SIKE1: variants seen among roughly 807,000 people sequenced by gnomAD.
SIKE1 encodes suppressor of IKK epsilon.
Under a neutral mutation model 25.8 loss-of-function variants are expected in SIKE1, and 13 were observed. That is an observed-to-expected ratio of 0.50 (90% CI 0.33 to 0.80). The LOEUF (loss-of-function observed/expected upper bound fraction) is 0.80. Among genes scored for constraint, SIKE1 ranks in the 30% least tolerant of loss-of-function variants. SIKE1 has a pLI of 0.02. For missense variants in SIKE1, 222 were observed against 252.4 expected, an observed-to-expected ratio of 0.88 and a Z score of 0.82; for synonymous variants, 86 against 95.5, an observed-to-expected ratio of 0.90 and a Z score of 0.58.
Position 114,780,502 on chromosome 1 carries a change from GCGC to G in SIKE1, c.103_105del (p.Ala35del), listed in dbSNP as rs1484668692. 1 of 1,613,520 alleles carries G rather than the reference GCGC, an allele frequency of 6.2e-7. No homozygotes were observed. The highest frequency in any genetic ancestry group is 1.3e-5 in the African/African-American group (1 of 75,034). ...CGCATAGCTGCTACCCGCCGGTGCA[GCGC>G]CGCCGACTGATCCACCAGCGACTCG... On this transcript the variant is annotated inframe_deletion, in exon 1 of 5. Transcript: ENST00000060969.
chr1:114,774,193 T>G lies in SIKE1; in HGVS notation c.*78A>C. 8.8e-7 allele frequency: 1 copy of G among 1,140,634 alleles called. No homozygotes were observed. Among genetic ancestry groups the G allele is most frequent in the South Asian group, 1.4e-5 (1 of 73,858 alleles). The allele number at this position is 1,140,634 out of a possible 1,614,324, so 70.7% of individuals were successfully genotyped here. On this transcript the variant is annotated 3_prime_UTR_variant, in exon 5 of 5. Transcript: ENST00000060969. ...TTAAATCAAATCTGAGGCAAGACAC[T>G]TAATGGACAGTACTTGAATGGGAAG...
At chr1:114,777,138 A>G (rs1557723379) in intron 3 of SIKE1, among the ~76,000 whole-genome samples, 1 of 152,136 alleles carries the variant, frequency 6.6e-6, no homozygotes, top group African/African-American at 2.4e-5. Context: ...CATTAGGAGG[A>G]ATACCTAATG....
At chr1:114,775,088 G>A (rs1209721236) in intron 4 of SIKE1, among the ~76,000 whole-genome samples, 1 of 152,128 alleles carries the variant, frequency 6.6e-6, no homozygotes, top group Non-Finnish European at 1.5e-5. Flanking sequence ...GAGGTAAATC[G>A]GGGATAAATA....
In SIKE1 at chr1:114,774,284, T is replaced by C. The variant is rs764530410; in HGVS notation, c.611A>G (p.Gln204Arg). ...TTCAGAGTTCAGTTATTTGATGGCT[T>C]GGGAAGCAGTGTCCATTGAGTTTTC... ...RKENSMDTAS[Q>R]AIK Residue 204 changes from glutamine (Q) to arginine (R), a missense_variant, in exon 5 of 5, where the codon CAA becomes CGA. Gln to Arg is a conservative substitution (Grantham distance 43). Transcript: ENST00000060969. 1.0e-4 allele frequency: 164 copies of C among 1,610,452 alleles called. No homozygotes were observed. The highest frequency in any genetic ancestry group is 1.4e-4 in the Non-Finnish European group (163 of 1,177,394).
intron 3 of SIKE1, 115 bp from the exon 4 acceptor site, chr1:114,776,574 G>C: frequency 1.4e-6 from 1 of 705,162 alleles, no homozygotes; most frequent in South Asian, 1.6e-5. Context: ...TGATACAGAA[G>C]TTACAATGGA....
chr1:114,779,527 T>C (rs1662343210), intron 2 of SIKE1, among the ~76,000 whole-genome samples: 1 of 152,216 alleles, frequency 6.6e-6, no homozygotes, highest in South Asian at 2.1e-4. Flanking sequence ...TTGAGTTCAG[T>C]TCTGTAACTT....
rs181755659 is a variant in SIKE1, at chr1:114,775,853, T to C, written c.522+493A>G. 1.8e-4 allele frequency among the ~76,000 whole-genome samples: 28 copies of C among 152,310 alleles called. 1 individual carries two copies. The East Asian group carries it at 2.7e-3, about 15-fold the overall frequency. ...TAACATATTCCTATTCTAATCAAAA[T>C]ATGACATAAACATAGCTTTTAAGAA... is the stretch of plus-strand genomic sequence containing the variant. On this transcript the variant is annotated intron_variant, in intron 4 of 4. Coordinates refer to ENST00000060969, the MANE Select transcript of SIKE1 (RefSeq NM_025073.3).
intron 3 of SIKE1, among the ~76,000 whole-genome samples, chr1:114,776,759 AC>A (rs1662255028): frequency 6.6e-6 from 1 of 152,138 alleles, no homozygotes. Context: ...CTGGGTATAT[AC>A]CCAAAGGATT....
intron 4 of SIKE1, among the ~76,000 whole-genome samples, chr1:114,775,010 G>A (rs527601752): frequency 4.6e-5 from 7 of 152,260 alleles, no homozygotes; most frequent in South Asian, 2.1e-4. Flanking sequence ...TCTGGTGGTC[G>A]TGTATTTTCT....
At chr1:114,779,063 G>T in intron 3 of SIKE1, 79 bp downstream of exon 3, 1 of 1,561,830 alleles carries the variant, frequency 6.4e-7, no homozygotes, top group Non-Finnish European at 8.8e-7. Flanking sequence ...ATCTCACAAA[G>T]CAAAAAAACA....
intron 1 of SIKE1, 81 bp from the exon 2 acceptor site, chr1:114,780,296 A>C: frequency 6.5e-7 from 1 of 1,547,922 alleles, no homozygotes; most frequent in Non-Finnish European, 8.9e-7. Flanking sequence ...TTAGGGCTCC[A>C]GGGCAGGATT....
Position 114,770,098 on chromosome 1 carries a change from A to G in SIKE1, c.*4173T>C, listed in dbSNP as rs1422153060. The G allele has an allele frequency of 1.3e-5, 2 of 152,252 alleles. No homozygotes were observed. The highest frequency in any genetic ancestry group is 4.8e-5 in the African/African-American group (2 of 41,466). 9.4% of individuals were successfully genotyped at this position (152,252 alleles called of 1,614,324 possible). On this transcript the variant is annotated 3_prime_UTR_variant, in exon 5 of 5. Coordinates refer to ENST00000060969, the MANE Select transcript of SIKE1 (RefSeq NM_025073.3). The stretch of plus-strand genomic sequence containing the variant: ...TCAGGATCTCTAGGACAGCCAGCAA[A>G]CAAGAATTAGAGGTTACAGGCCAGG...
rs149489425 is a variant in SIKE1, at chr1:114,770,288, T to A, written c.*3983A>T. The A allele has an allele frequency of 2.5e-4, 38 of 152,690 alleles. No homozygotes were observed. Among genetic ancestry groups the A allele is most frequent in the African/African-American group, 9.1e-4 (38 of 41,564 alleles). 9.5% of individuals were successfully genotyped at this position (152,690 alleles called of 1,614,324 possible). A position where few individuals can be genotyped will look rare whatever the true frequency, so the allele number is the denominator to read the frequency against. ...GGTGGGCACTTGTAATCCCAGCGACTTGGGAGGCTGAGGCAGGAGAATCGC... is the reference window on the plus strand; with the variant it reads ...GGTGGGCACTTGTAATCCCAGCGACATGGGAGGCTGAGGCAGGAGAATCGC... On this transcript the variant is annotated 3_prime_UTR_variant, in exon 5 of 5. Coordinates refer to ENST00000060969, the MANE Select transcript of SIKE1 (RefSeq NM_025073.3).
chr1:114,779,128 T>C lies in SIKE1; in HGVS notation c.408+14A>G. On this transcript the variant is annotated intron_variant, in intron 3 of 4. Transcript: ENST00000060969. ...TCAATTTGGTTCATTTCGAATTTATTCAAAGTTTCTTACTGCAGAGTGAGA... is the reference window on the plus strand; with the variant it reads ...TCAATTTGGTTCATTTCGAATTTATCCAAAGTTTCTTACTGCAGAGTGAGA... The C allele has an allele frequency of 6.2e-7, 1 of 1,611,344 alleles. No homozygotes were observed. Among genetic ancestry groups the C allele is most frequent in the Non-Finnish European group, 8.5e-7 (1 of 1,179,284 alleles).
chr1:114,780,251 G>T lies in SIKE1; in HGVS notation c.160-36C>A, dbSNP rs369988828. 7.0e-6 allele frequency: 11 copies of T among 1,572,110 alleles called. No homozygotes were observed. In the African/African-American group the frequency reaches 1.4e-4, roughly 19 times the overall value. On this transcript the variant is annotated intron_variant, in intron 1 of 4. Transcript: ENST00000060969. ...AGAGACAGACTAAGCATGCCTTAAA[G>T]AGAACAGCGGCAGATGCAACTGAAG...
At chr1:114,775,678 T>C (rs947364546) in intron 4 of SIKE1, among the ~76,000 whole-genome samples, 4 of 152,040 alleles carry the variant, frequency 2.6e-5, no homozygotes, top group Admixed American at 2.6e-4. Flanking sequence ...GCTAATTTTC[T>C]GTATTTTTTG....
chr1:114,777,125 T>C (rs1175357370), intron 3 of SIKE1, among the ~76,000 whole-genome samples: 1 of 152,070 alleles, frequency 6.6e-6, no homozygotes, highest in Non-Finnish European at 1.5e-5. Flanking sequence ...TGGGGACGGA[T>C]AGCATTAGGA....
chr1:114,769,852 T>A lies in SIKE1; in HGVS notation c.*4419A>T, dbSNP rs1662018697. On this transcript the variant is annotated 3_prime_UTR_variant, in exon 5 of 5. Coordinates refer to ENST00000060969, the MANE Select transcript of SIKE1 (RefSeq NM_025073.3). ...TATTCTTAAGTTAGGTGATGAGTTA[T>A]TATGCTTGATAATTTATTTGCATTC... The A allele has an allele frequency of 6.6e-6, 1 of 152,200 alleles. No individual in the cohort carries two copies. The allele number at this position is 152,200 out of a possible 1,614,324, so 9.4% of individuals were successfully genotyped here. A position where few individuals can be genotyped will look rare whatever the true frequency, so the allele number is the denominator to read the frequency against.
intron 4 of SIKE1, among the ~76,000 whole-genome samples, chr1:114,776,100 C>T (rs778163995): frequency 6.6e-6 from 1 of 152,148 alleles, no homozygotes; most frequent in Non-Finnish European, 1.5e-5. Flanking sequence ...CCCTCCACTC[C>T]CTCTACCTTC....
Sources: gnomAD v4.1 joint callset for allele counts (sites outside exome capture counted in the v4.1 genomes callset) on GRCh38, gnomAD v4.1.1 for gene constraint, MANE v1.5 for transcripts, NCBI Gene and HGNC (gene_info 2026-07-23, HGNC 2026-07-21) for gene names.